Variants in CWC27 observed in about 807,000 individuals in gnomAD.
CWC27 encodes spliceosome-associated protein CWC27 homolog.
CWC27 carries 47 observed loss-of-function variants against 63.6 expected under a neutral mutation model. The ratio of observed to expected loss-of-function variants is 0.74; its 90% confidence interval spans 0.58 to 0.94. The LOEUF is 0.94. CWC27 is among the 40% of genes least tolerant of loss of function. The pLI is 0.00. For synonymous variants in CWC27, 175 were observed against 179.8 expected (o/e 0.97, Z 0.22); for missense variants, 495 against 554.3 (o/e 0.89, Z 1.07).
intron 11 of CWC27, among the ~76,000 whole-genome samples, chr5:64,950,919 C>T (rs1324059925): frequency 6.6e-6 from 1 of 151,962 alleles, no homozygotes. Flanking sequence ...TAGCATAATG[C>T]TCTTGAAATT....
intron 10 of CWC27, among the ~76,000 whole-genome samples, chr5:64,809,569 G>A (rs1359920474): frequency 6.6e-6 from 1 of 152,000 alleles, no homozygotes; most frequent in African/African-American, 2.4e-5. Flanking sequence ...GGGTTTCACT[G>A]TGTTAGCAAG....
At chr5:64,800,471 A>G in intron 8 of CWC27, 144 bp downstream of exon 8, 1 of 556,816 alleles carries the variant, frequency 1.8e-6, no homozygotes, top group Non-Finnish European at 3.2e-6. Context: ...GATAACAGAG[A>G]TAGAGAACTT....
chr5:64,816,596 T>A (rs1745039851), intron 10 of CWC27, among the ~76,000 whole-genome samples: 1 of 152,132 alleles, frequency 6.6e-6, no homozygotes, highest in Non-Finnish European at 1.5e-5. Context: ...GGAGCATGCG[T>A]CCTTGAAGAC....
chr5:64,854,298 A>G (rs1346200351), intron 10 of CWC27, among the ~76,000 whole-genome samples: 2 of 152,220 alleles, frequency 1.3e-5, no homozygotes, highest in African/African-American at 4.8e-5. Context: ...TCTTTTGAAT[A>G]TATACCTAGA....
At chr5:65,002,987 G>C (rs1252861182) in intron 13 of CWC27, among the ~76,000 whole-genome samples, 1 of 152,094 alleles carries the variant, frequency 6.6e-6, no homozygotes, top group African/African-American at 2.4e-5. Flanking sequence ...GTACAAATAT[G>C]TTTAGAACGT....
intron 10 of CWC27, among the ~76,000 whole-genome samples, chr5:64,816,034 TTC>T (rs1388939457): frequency 3.3e-5 from 5 of 152,166 alleles, no homozygotes; most frequent in Non-Finnish European, 5.9e-5. Flanking sequence ...AAGTTACATT[TTC>T]TCTCTTTTTT....
chr5:64,992,987 A>C (rs533841652), intron 13 of CWC27, among the ~76,000 whole-genome samples: 3 of 152,280 alleles, frequency 2.0e-5, no homozygotes, highest in Admixed American at 1.3e-4. Flanking sequence ...CTAATTATAC[A>C]GTGGGCTGTC....
At chr5:64,884,012 A>C (rs1036212735) in intron 10 of CWC27, 1 of 152,108 alleles carries the variant, frequency 6.6e-6, no homozygotes, top group Non-Finnish European at 1.5e-5. Flanking sequence ...CCACATCTAA[A>C]GTTATTATAT....
intron 10 of CWC27, among the ~76,000 whole-genome samples, chr5:64,859,723 A>T (rs1746353399): frequency 6.6e-6 from 1 of 152,214 alleles, no homozygotes; most frequent in Non-Finnish European, 1.5e-5. Flanking sequence ...GTGCAGCAGC[A>T]TTCTAGAAGC....
chr5:64,779,628 A>C (rs1743590711), intron 2 of CWC27, among the ~76,000 whole-genome samples: 1 of 152,170 alleles, frequency 6.6e-6, no homozygotes, highest in Non-Finnish European at 1.5e-5. Context: ...GTAGTTCTAA[A>C]ACACTTTATT....
At chr5:64,910,278 T>C (rs1003975816) in intron 11 of CWC27, among the ~76,000 whole-genome samples, 2 of 152,318 alleles carry the variant, frequency 1.3e-5, no homozygotes, top group African/African-American at 2.4e-5. Context: ...ACAGCAAATA[T>C]TGCAGCACAG....
At chr5:64,894,695 C>T (rs973931195) in intron 11 of CWC27, among the ~76,000 whole-genome samples, 2 of 152,054 alleles carry the variant, frequency 1.3e-5, no homozygotes, top group Non-Finnish European at 2.9e-5. Context: ...CTATGACTTG[C>T]AAAAATGCAA....
At chr5:64,844,969 A>C (rs538808439) in intron 10 of CWC27, 1 of 456,738 alleles carries the variant, frequency 2.2e-6, no homozygotes, top group East Asian at 6.9e-5. Context: ...GCCCGGCCCA[A>C]CTGCAGATCT....
At chr5:64,991,107 G>A (rs1484581425) in intron 13 of CWC27, among the ~76,000 whole-genome samples, 1 of 152,174 alleles carries the variant, frequency 6.6e-6, no homozygotes, top group East Asian at 1.9e-4. Flanking sequence ...GATATTGGGC[G>A]TAAATTATGA....
intron 10 of CWC27, among the ~76,000 whole-genome samples, chr5:64,856,695 G>T (rs1292921028): frequency 6.6e-6 from 1 of 152,020 alleles, no homozygotes; most frequent in African/African-American, 2.4e-5. Context: ...ATATTAAGTA[G>T]GTGGCAGTTT....
intron 11 of CWC27, among the ~76,000 whole-genome samples, chr5:64,908,469 A>G (rs1747711255): frequency 6.6e-6 from 1 of 152,162 alleles, no homozygotes; most frequent in South Asian, 2.1e-4. Flanking sequence ...TGATCTGTCT[A>G]ATATTGACAG....
chr5:64,812,329 A>G (rs982396323), intron 10 of CWC27, among the ~76,000 whole-genome samples: 1 of 152,138 alleles, frequency 6.6e-6, no homozygotes, highest in African/African-American at 2.4e-5. Flanking sequence ...TCTTCATCTC[A>G]CAGAAGATTT....
intron 13 of CWC27, among the ~76,000 whole-genome samples, chr5:65,011,233 C>CA (rs1749948245): frequency 6.6e-6 from 1 of 152,048 alleles, no homozygotes; most frequent in African/African-American, 2.4e-5. Context: ...CCCATCTCAA[C>CA]AAAAAAGCAG....
chr5:64,826,531 T>C lies in CWC27; in HGVS notation c.938+22145T>C, dbSNP rs117215325. Among the ~76,000 whole-genome samples, 178 of 152,320 alleles carry C rather than the reference T, an allele frequency of 1.2e-3. 2 individuals carry two copies. The East Asian group carries it at 0.023, about 20-fold the overall frequency. ...TTTTTGATGGCACTTTAGACTTGCATGTTAATGTTTAGATTATACCTAGAA... is the reference window on the plus strand; with the variant it reads ...TTTTTGATGGCACTTTAGACTTGCACGTTAATGTTTAGATTATACCTAGAA... On this transcript the variant is annotated intron_variant, in intron 10 of 13. Transcript: ENST00000381070.
Sources: gnomAD v4.1 joint callset for allele counts (sites outside exome capture counted in the v4.1 genomes callset) on GRCh38, gnomAD v4.1.1 for gene constraint, MANE v1.5 for transcripts, NCBI Gene and HGNC (gene_info 2026-07-23, HGNC 2026-07-21) for gene names.